The following BNC2 variants were observed in gnomAD, a reference collection of about 807,000 sequenced individuals.
The protein encoded by BNC2 is basonuclin zinc finger protein 2.
BNC2 carries 20 observed loss-of-function variants against 76.3 expected under a neutral mutation model. That is an observed-to-expected ratio of 0.26 (90% CI 0.18 to 0.38). The LOEUF is 0.38. Ranked by LOEUF, BNC2 falls within the 10% of genes least tolerant of loss-of-function variation. The pLI is 1.00. For synonymous variants in BNC2, 582 were observed against 514.8 expected, an observed-to-expected ratio of 1.13 and a Z score of -1.77; for missense variants, 1,382 against 1,399.8, an observed-to-expected ratio of 0.99 and a Z score of 0.20.
intron 3 of BNC2, among the ~76,000 whole-genome samples, chr9:16,717,954 T>G (rs1367977807): frequency 6.6e-6 from 1 of 152,206 alleles, no homozygotes; most frequent in African/African-American, 2.4e-5. Context: ...AACAACCAAC[T>G]TCTCACTTTT....
chr9:16,452,490 T>C (rs1449906866), intron 5 of BNC2, among the ~76,000 whole-genome samples: 1 of 152,150 alleles, frequency 6.6e-6, no homozygotes, highest in African/African-American at 2.4e-5. Context: ...TGGCACGATA[T>C]TGGCTCACTG....
intron 3 of BNC2, among the ~76,000 whole-genome samples, chr9:16,662,258 C>T (rs1822130825): frequency 1.3e-5 from 2 of 152,146 alleles, no homozygotes; most frequent in Admixed American, 1.3e-4. Context: ...GAGCATATGG[C>T]TCAAAAAAGT....
intron 6 of BNC2, among the ~76,000 whole-genome samples, chr9:16,421,447 T>C (rs989370636): frequency 6.6e-6 from 1 of 152,234 alleles, no homozygotes; most frequent in Non-Finnish European, 1.5e-5. Flanking sequence ...GATCACAAAA[T>C]TATTTTCTGT....
At chr9:16,482,593 T>C (rs1337649823) in intron 5 of BNC2, among the ~76,000 whole-genome samples, 2 of 152,188 alleles carry the variant, frequency 1.3e-5, no homozygotes, top group African/African-American at 4.8e-5. Context: ...TACATACTCA[T>C]AGAAGGATGA....
intron 3 of BNC2, among the ~76,000 whole-genome samples, chr9:16,669,377 C>A (rs186525234): frequency 6.6e-6 from 1 of 152,274 alleles, no homozygotes; most frequent in Admixed American, 6.5e-5. Flanking sequence ...ATGTTAACCT[C>A]AAATAATCCA....
intron 1 of BNC2, among the ~76,000 whole-genome samples, chr9:16,851,423 T>C (rs1290737782): frequency 1.3e-5 from 2 of 152,068 alleles, no homozygotes; most frequent in East Asian, 1.9e-4. Context: ...GTAGGATTGC[T>C]GGAGCCCAGC....
intron 4 of BNC2, among the ~76,000 whole-genome samples, chr9:16,570,573 C>T (rs1026654494): frequency 6.6e-6 from 1 of 152,134 alleles, no homozygotes; most frequent in Non-Finnish European, 1.5e-5. Flanking sequence ...CTCATAAAAA[C>T]GGGTTAAGAG....
intron 5 of BNC2, among the ~76,000 whole-genome samples, chr9:16,542,626 T>C (rs958939994): frequency 6.6e-6 from 1 of 152,200 alleles, no homozygotes; most frequent in Non-Finnish European, 1.5e-5. Flanking sequence ...GAAAGAAGTG[T>C]ATGCAAACAT....
chr9:16,549,558 G>T (rs1818596119), intron 5 of BNC2, among the ~76,000 whole-genome samples: 1 of 152,098 alleles, frequency 6.6e-6, no homozygotes, highest in African/African-American at 2.4e-5. Flanking sequence ...TTACAAAAAC[G>T]CCATATACAA....
At chr9:16,695,020 G>C (rs906498839) in intron 3 of BNC2, among the ~76,000 whole-genome samples, 2 of 152,166 alleles carry the variant, frequency 1.3e-5, no homozygotes, top group South Asian at 2.1e-4. Context: ...TCAGGAAGTG[G>C]AGAGAAGATA....
intron 1 of BNC2, among the ~76,000 whole-genome samples, chr9:16,780,060 C>T (rs1300696885): frequency 6.6e-6 from 1 of 150,424 alleles, no homozygotes; most frequent in East Asian, 2.0e-4. Context: ...CATGGTGAAA[C>T]CCCATCTCTA....
At chr9:16,747,956 T>C (rs1476682584) in intron 1 of BNC2, among the ~76,000 whole-genome samples, 1 of 152,222 alleles carries the variant, frequency 6.6e-6, no homozygotes, top group Non-Finnish European at 1.5e-5. Flanking sequence ...TTCTAGAATT[T>C]GCTATTTTAT....
At chr9:16,812,277 T>A (rs1818072952) in intron 1 of BNC2, among the ~76,000 whole-genome samples, 1 of 152,156 alleles carries the variant, frequency 6.6e-6, no homozygotes, top group Admixed American at 6.6e-5. Flanking sequence ...TCTTCACCTC[T>A]CCATCCCAAG....
At chr9:16,786,449 T>A (rs909455510) in intron 1 of BNC2, among the ~76,000 whole-genome samples, 2 of 151,992 alleles carry the variant, frequency 1.3e-5, no homozygotes, top group African/African-American at 4.8e-5. Context: ...AAAAAAAAAG[T>A]CAGTCTCTAC....
intron 5 of BNC2, among the ~76,000 whole-genome samples, chr9:16,517,076 C>A (rs1400899561): frequency 6.6e-6 from 1 of 152,210 alleles, no homozygotes; most frequent in Non-Finnish European, 1.5e-5. Context: ...TCTAAACTGA[C>A]TGAGGTTTTG....
At position 16,547,246 on chromosome 9, in the gene BNC2, C is replaced by G. The variant is rs1404458326; in HGVS notation, c.669+5284G>C. Among the ~76,000 whole-genome samples, 14 of 152,254 alleles carry G rather than the reference C, an allele frequency of 9.2e-5. 1 individual carries two copies. Among genetic ancestry groups the G allele is most frequent in the Admixed American group, 9.2e-4 (14 of 15,290 alleles). On this transcript the variant is annotated intron_variant, in intron 5 of 6. Coordinates refer to ENST00000380672, the MANE Select transcript of BNC2 (RefSeq NM_017637.6). ...ACATGGATACCATAAAACACTTACT[C>G]TACACAGATCACTAGCTAGAAGGCA...
intron 5 of BNC2, among the ~76,000 whole-genome samples, chr9:16,461,169 G>C (rs373371837): frequency 9.9e-4 from 151 of 152,118 alleles, no homozygotes; most frequent in African/African-American, 3.5e-3. Flanking sequence ...ATAAATTTTC[G>C]GAACATTTTA....
intron 1 of BNC2, 131 bp downstream of exon 1, chr9:16,870,515 C>G: frequency 1.0e-6 from 1 of 982,120 alleles, no homozygotes; most frequent in Non-Finnish European, 1.5e-6. Context: ...CCCTCCTCAG[C>G]GCCCCTTGCC....
chr9:16,563,456 CA>C lies in BNC2; in HGVS notation c.434-10692del, dbSNP rs759043352. On this transcript the variant is annotated intron_variant, in intron 4 of 6. Coordinates refer to ENST00000380672, the MANE Select transcript of BNC2 (RefSeq NM_017637.6). ...CAACAGAGCGAAACCCTGTATCTAC[CA>C]AAAAAAAAAATTATAAATCATTATT... Among the ~76,000 whole-genome samples, 519 of 142,696 alleles carry C rather than the reference CA, an allele frequency of 3.6e-3. 1 individual carries two copies. Among genetic ancestry groups the C allele is most frequent in the Non-Finnish European group, 4.4e-3 (283 of 64,926 alleles). The allele number at this position is 142,696 out of a possible 152,430, so 93.6% of individuals were successfully genotyped here. A position where few individuals can be genotyped will look rare whatever the true frequency, so the allele number is the denominator to read the frequency against.
Sources: allele counts gnomAD v4.1 joint callset (sites outside exome capture counted in the v4.1 genomes callset), GRCh38; gene constraint gnomAD v4.1.1; transcripts MANE v1.5; gene names NCBI Gene and HGNC (gene_info 2026-07-23, HGNC 2026-07-21).